MACROD2: variants seen among roughly 807,000 people sequenced by gnomAD.
MACROD2 encodes the protein mono-ADP ribosylhydrolase 2, also known as ADP-ribose glycohydrolase MACROD2.
MACROD2 carries 36 observed loss-of-function variants against 70.4 expected under a neutral mutation model. The observed-to-expected ratio is 0.51, with a 90% CI of 0.39 to 0.68. The LOEUF is 0.68. MACROD2 is among the 30% of genes least tolerant of loss of function. The probability of loss-of-function intolerance (pLI) is 0.00; values close to 1 mark genes in which losing one functional copy is unlikely to be tolerated. For synonymous variants in MACROD2, 172 were observed against 178.8 expected (o/e 0.96, Z 0.30); for missense variants, 496 against 538.4 (o/e 0.92, Z 0.78).
At chr20:14,325,912 A>G in intron 3 of MACROD2, 7 of 1,613,978 alleles carry the variant, frequency 4.3e-6, no homozygotes, top group Non-Finnish European at 5.9e-6. Flanking sequence ...CCCACCAATG[A>G]TGGCAGCCAA....
chr20:15,023,719 G>A (rs1389087492), intron 5 of MACROD2, among the ~76,000 whole-genome samples: 3 of 152,032 alleles, frequency 2.0e-5, no homozygotes, highest in East Asian at 1.9e-4. Context: ...AAACAGCATG[G>A]GAAAGACCTG....
At chr20:16,008,447 C>A (rs565474558) in intron 15 of MACROD2, among the ~76,000 whole-genome samples, 1 of 152,344 alleles carries the variant, frequency 6.6e-6, no homozygotes, top group Non-Finnish European at 1.5e-5. Flanking sequence ...CCCCTGGCAA[C>A]TCAGTACATG....
chr20:15,121,526 A>AAAG (rs1555784797), intron 5 of MACROD2, among the ~76,000 whole-genome samples: 6 of 150,560 alleles, frequency 4.0e-5, no homozygotes, highest in Admixed American at 2.0e-4. Context: ...AAAAAAAAAA[A>AAAG]AAAAGAAAAA....
At chr20:15,748,336 G>T (rs1174986280) in intron 8 of MACROD2, among the ~76,000 whole-genome samples, 1 of 151,476 alleles carries the variant, frequency 6.6e-6, no homozygotes, top group Non-Finnish European at 1.5e-5. Flanking sequence ...AATCGCTCAA[G>T]AAATTTTCCT....
intron 8 of MACROD2, among the ~76,000 whole-genome samples, chr20:15,830,038 C>T (rs565739171): frequency 2.0e-5 from 3 of 152,122 alleles, no homozygotes; most frequent in African/African-American, 2.4e-5. Flanking sequence ...GAACGGAGGA[C>T]GGGTTTGAGG....
intron 7 of MACROD2, among the ~76,000 whole-genome samples, chr20:15,442,285 C>A (rs1236261087): frequency 6.6e-6 from 1 of 152,110 alleles, no homozygotes; most frequent in African/African-American, 2.4e-5. Flanking sequence ...TGTATGTGAA[C>A]AAGACCATAT....
At chr20:14,741,507 G>A (rs1600611908) in intron 5 of MACROD2, among the ~76,000 whole-genome samples, 1 of 151,924 alleles carries the variant, frequency 6.6e-6, no homozygotes, top group Admixed American at 6.6e-5. Context: ...ATGAGAATAG[G>A]TATATTTAAC....
At chr20:15,142,429 T>C (rs1601132393) in intron 5 of MACROD2, among the ~76,000 whole-genome samples, 2 of 152,320 alleles carry the variant, frequency 1.3e-5, no homozygotes, top group South Asian at 4.1e-4. Context: ...TATATATACA[T>C]TCAAAATTTT....
At chr20:15,088,450 T>TATATATATAA (rs2075769323) in intron 5 of MACROD2, among the ~76,000 whole-genome samples, 2 of 81,714 alleles carry the variant, frequency 2.4e-5, no homozygotes, top group South Asian at 6.5e-4. Flanking sequence ...TATATATATA[T>TATATATATAA]AATATTTTGT....
chr20:14,673,542 A>C (rs1485472916), intron 4 of MACROD2, among the ~76,000 whole-genome samples: 1 of 152,146 alleles, frequency 6.6e-6, no homozygotes, highest in Admixed American at 6.6e-5. Flanking sequence ...GGGCCATAAA[A>C]TCTGAATTCA....
chr20:14,696,090 A>G (rs2071122464), intron 5 of MACROD2, among the ~76,000 whole-genome samples: 1 of 152,208 alleles, frequency 6.6e-6, no homozygotes, highest in Non-Finnish European at 1.5e-5. Context: ...ATGTTACATT[A>G]TACAACCAAA....
At chr20:14,357,475 T>C (rs2083182779) in intron 3 of MACROD2, among the ~76,000 whole-genome samples, 1 of 152,248 alleles carries the variant, frequency 6.6e-6, no homozygotes, top group African/African-American at 2.4e-5. Context: ...AAGATTTCTA[T>C]GTAGAATTTT....
intron 4 of MACROD2, among the ~76,000 whole-genome samples, chr20:14,643,337 G>A (rs1244173622): frequency 1.3e-5 from 2 of 152,168 alleles, no homozygotes; most frequent in African/African-American, 4.8e-5. Context: ...GGTGGCAGCT[G>A]TTACACAGTG....
At chr20:15,387,814 C>T (rs528916223) in intron 6 of MACROD2, among the ~76,000 whole-genome samples, 48 of 151,590 alleles carry the variant, frequency 3.2e-4, no homozygotes, top group Non-Finnish European at 4.3e-4. Flanking sequence ...CATAGCTCAC[C>T]GCAGCCTTGA....
chr20:15,001,335 T>C (rs1416698059), intron 5 of MACROD2, among the ~76,000 whole-genome samples: 1 of 152,086 alleles, frequency 6.6e-6, no homozygotes, highest in African/African-American at 2.4e-5. Context: ...ATTTTCTCCT[T>C]CCTTTTGAGA....
At chr20:14,323,386 A>T (rs1260781770) in intron 3 of MACROD2, 1 of 152,166 alleles carries the variant, frequency 6.6e-6, no homozygotes, top group African/African-American at 2.4e-5. Context: ...GTGGGCACAG[A>T]GCTTCCATGC....
At chr20:15,168,057 G>A (rs755280297) in intron 5 of MACROD2, among the ~76,000 whole-genome samples, 2 of 152,156 alleles carry the variant, frequency 1.3e-5, no homozygotes, top group Non-Finnish European at 2.9e-5. Flanking sequence ...AGGTAAACTG[G>A]CATTTGAAAT....
chr20:15,907,084 C>G (rs1052439926), intron 10 of MACROD2, among the ~76,000 whole-genome samples: 1 of 152,186 alleles, frequency 6.6e-6, no homozygotes, highest in Non-Finnish European at 1.5e-5. Context: ...GTGGACTCAT[C>G]ATTTCCCATT....
At chr20:15,370,801 T>C (rs2045481311) in intron 6 of MACROD2, among the ~76,000 whole-genome samples, 1 of 151,732 alleles carries the variant, frequency 6.6e-6, no homozygotes, top group East Asian at 1.9e-4. Flanking sequence ...TGAATAGAGA[T>C]GAAAAATCAG....
Sources: allele counts gnomAD v4.1 joint callset (sites outside exome capture counted in the v4.1 genomes callset), GRCh38; gene constraint gnomAD v4.1.1; transcripts MANE v1.5; gene names NCBI Gene and HGNC (gene_info 2026-07-23, HGNC 2026-07-21).